Variants in MDN1 observed in about 807,000 individuals in gnomAD.
MDN1 encodes the protein midasin AAA ATPase 1.
Under a neutral mutation model 669.2 loss-of-function variants are expected in MDN1, and 266 were observed. That is an observed-to-expected ratio of 0.40 (90% confidence interval 0.36 to 0.44). The LOEUF is 0.44. MDN1 is among the 20% of genes least tolerant of loss of function. The probability of loss-of-function intolerance (pLI) is 1.00; values close to 1 mark genes in which losing one functional copy is unlikely to be tolerated. For synonymous variants in MDN1, 2,385 were observed against 2,457.1 expected, an observed-to-expected ratio of 0.97 and a Z score of 0.87; for missense variants, 5,940 against 6,754.0, an observed-to-expected ratio of 0.88 and a Z score of 4.22.
intron 50 of MDN1, among the ~76,000 whole-genome samples, chr6:89,709,941 G>C (rs1324846405): frequency 6.6e-6 from 1 of 152,118 alleles, no homozygotes; most frequent in East Asian, 1.9e-4. Context: ...CTGTTGCCCA[G>C]GCTAGAATGC....
rs1031923654 is a variant in MDN1, at chr6:89,676,023, G to A, written c.12645+79C>T. 2.3e-6 allele frequency: 3 copies of A among 1,294,060 alleles called. No homozygotes were observed. In the Admixed American group the frequency reaches 5.4e-5, roughly 23 times the overall value. 80.2% of individuals were successfully genotyped at this position (1,294,060 alleles called of 1,614,324 possible). A position where few individuals can be genotyped will look rare whatever the true frequency, so the allele number is the denominator to read the frequency against. ...TAACAGGCTGTTATCACTTAACAAGGTCTGAGAATACAGCCCTGGGATGAA... is the reference window on the plus strand; with the variant it reads ...TAACAGGCTGTTATCACTTAACAAGATCTGAGAATACAGCCCTGGGATGAA... On this transcript the variant is annotated intron_variant, in intron 77 of 101. Coordinates refer to ENST00000369393, the MANE Select transcript of MDN1 (RefSeq NM_014611.3).
intron 1 of MDN1, among the ~76,000 whole-genome samples, chr6:89,817,856 GT>G (rs1423011417): frequency 6.6e-6 from 1 of 152,104 alleles, no homozygotes; most frequent in Non-Finnish European, 1.5e-5. Context: ...GTAAGGGGTT[GT>G]CCCATACATA....
At chr6:89,764,909 G>C (rs1817732369) in intron 15 of MDN1, among the ~76,000 whole-genome samples, 1 of 152,188 alleles carries the variant, frequency 6.6e-6, no homozygotes, top group Non-Finnish European at 1.5e-5. Context: ...AGGAACCTGA[G>C]GAAGAGAGTG....
intron 1 of MDN1, among the ~76,000 whole-genome samples, chr6:89,804,514 C>G (rs1767885176): frequency 6.6e-6 from 1 of 152,016 alleles, no homozygotes; most frequent in South Asian, 2.1e-4. Context: ...AATTCAAAAC[C>G]CCAAAATTCC....
At chr6:89,685,277 A>G (rs532229138) in intron 70 of MDN1, among the ~76,000 whole-genome samples, 1 of 152,196 alleles carries the variant, frequency 6.6e-6, no homozygotes. Context: ...CACAATGTCA[A>G]ATTCCTTCTG....
chr6:89,779,301 C>T (rs1251840859), intron 11 of MDN1, among the ~76,000 whole-genome samples: 1 of 152,214 alleles, frequency 6.6e-6, no homozygotes, highest in African/African-American at 2.4e-5. Flanking sequence ...GAACATCCAA[C>T]TCCTTTTGTT....
Position 89,713,277 on chromosome 6 carries a change from T to C in MDN1, c.7089A>G (p.Val2363=), listed in dbSNP as rs1814085541. ...STVVGSPTSS[V]STLIQTAILI... is the part of the protein sequence containing the mutation. ...GTATGGCTGTCTGGATTAGAGTTGA[T>C]ACAGAAGATGTTGGAGAACCTATTA... The change falls in exon 47 of 102, where the codon GTA becomes GTG. Residue 2363 remains valine, a synonymous_variant. Coordinates refer to ENST00000369393, the MANE Select transcript of MDN1 (RefSeq NM_014611.3). The C allele has an allele frequency of 6.2e-7, 1 of 1,612,810 alleles. No individual in the cohort carries two copies. The highest frequency in any genetic ancestry group is 8.5e-7 in the Non-Finnish European group (1 of 1,179,556).
chr6:89,799,411 G>A lies in MDN1; in HGVS notation c.329+3917C>T, dbSNP rs9451275. Among the ~76,000 whole-genome samples, 536 of 152,378 alleles carry A rather than the reference G, an allele frequency of 3.5e-3. 4 individuals carry two copies. The highest frequency in any genetic ancestry group is 0.012 in the African/African-American group (511 of 41,594). The stretch of plus-strand genomic sequence containing the variant: ...TAGAAATAGTAAAGTTGGGCCGGGC[G>A]CAGTGGCTCACGCCTGCAATCCCAA... On this transcript the variant is annotated intron_variant, in intron 2 of 101. Coordinates refer to ENST00000369393, the MANE Select transcript of MDN1 (RefSeq NM_014611.3).
Position 89,645,137 on chromosome 6 carries a change from C to T in MDN1, c.16480G>A (p.Val5494Ile). 1.2e-6 allele frequency: 2 copies of T among 1,607,312 alleles called. No homozygotes were observed. The highest frequency in any genetic ancestry group is 1.7e-6 in the Non-Finnish European group (2 of 1,174,270). The change falls in exon 101 of 102, where the codon GTA (valine) becomes ATA (isoleucine). Residue 5494 changes from valine to isoleucine, a missense_variant. Physicochemically the swap from Val to Ile is conservative, Grantham distance 29. This residue lies in a region of MDN1 where 2,280 missense variants were observed against 2,576.3 expected (regional missense o/e 0.88). Coordinates refer to ENST00000369393, the MANE Select transcript of MDN1 (RefSeq NM_014611.3). ...ISSETAQLLL[V>I]VSDGRGLFLE... ...AAAAGGCCTCGCCCATCAGAGACTA[C>T]CAGGAGGAGTTGTGCAGTTTCTGTA...
chr6:89,757,051 TGAAGA>T (rs1388098639), intron 19 of MDN1, among the ~76,000 whole-genome samples: 1 of 152,156 alleles, frequency 6.6e-6, no homozygotes, highest in East Asian at 1.9e-4. Flanking sequence ...ACAAAATGGT[TGAAGA>T]GAAAACAACT....
At chr6:89,744,872 A>AC (rs1179942979) in intron 29 of MDN1, among the ~76,000 whole-genome samples, 1 of 151,978 alleles carries the variant, frequency 6.6e-6, no homozygotes, top group Non-Finnish European at 1.5e-5. Context: ...ACAGAGTGAG[A>AC]CCCCATCTCC....
intron 53 of MDN1, among the ~76,000 whole-genome samples, chr6:89,703,456 G>C (rs1813302578): frequency 6.6e-6 from 1 of 151,908 alleles, no homozygotes. Context: ...GTTTAATACA[G>C]GGTTGCAATG....
intron 62 of MDN1, among the ~76,000 whole-genome samples, chr6:89,693,793 G>A (rs1812537966): frequency 6.6e-6 from 1 of 152,150 alleles, no homozygotes; most frequent in Non-Finnish European, 1.5e-5. Context: ...GCCAAGAATA[G>A]CAGAGAAATA....
At chr6:89,668,715 G>T (rs993513221) in intron 83 of MDN1, among the ~76,000 whole-genome samples, 14 of 152,164 alleles carry the variant, frequency 9.2e-5, no homozygotes, top group African/African-American at 3.4e-4. Context: ...CTGCTAATTA[G>T]CAAGGAATTA....
chr6:89,814,955 G>A, intron 1 of MDN1: 1 of 490,384 alleles, frequency 2.0e-6, no homozygotes, highest in Non-Finnish European at 3.8e-6. Flanking sequence ...AGCACCCTGG[G>A]TGCCATGTCA....
At position 89,680,776 on chromosome 6, in the gene MDN1, C is replaced by T. The variant is rs749186579; in HGVS notation, c.12103-25G>A. 1.9e-6 allele frequency: 3 copies of T among 1,606,530 alleles called. No homozygotes were observed. The African/African-American group carries it at 4.0e-5, about 21-fold the overall frequency. On this transcript the variant is annotated intron_variant, in intron 73 of 101. Transcript: ENST00000369393. ...CCTGTGAGACAAAAGACAGGTTAGC[C>T]TCACTGCCAAGAATGACAGGCAGTG...
At chr6:89,683,962 T>C (rs964438835) in intron 71 of MDN1, 58 bp from the exon 72 acceptor site, 19 of 1,299,580 alleles carry the variant, frequency 1.5e-5, no homozygotes, top group Admixed American at 1.4e-4. Flanking sequence ...ATTCTGTTTC[T>C]TTCTAGATTT....
chr6:89,813,084 G>A (rs1768551353), intron 1 of MDN1, among the ~76,000 whole-genome samples: 1 of 152,154 alleles, frequency 6.6e-6, no homozygotes. Context: ...GGGATTATAG[G>A]CATGCGCCAC....
intron 76 of MDN1, among the ~76,000 whole-genome samples, chr6:89,677,016 C>CAAAAAAAAAAAAAAAAAAAGGA (rs577064668): frequency 3.7e-5 from 3 of 80,236 alleles, no homozygotes; most frequent in Non-Finnish European, 7.1e-5. Context: ...AATCAAAAGG[C>CAAAAAAAAAAAAAAAAAAAGGA]AAAAAAAAAA....
Sources: allele counts gnomAD v4.1 joint callset (sites outside exome capture counted in the v4.1 genomes callset), GRCh38; gene constraint gnomAD v4.1.1; regional missense constraint gnomAD v4.1.1; transcripts MANE v1.5; gene names NCBI Gene and HGNC (gene_info 2026-07-23, HGNC 2026-07-21).